The following ITSN2 variants were observed in gnomAD, a reference collection of about 807,000 sequenced individuals.
ITSN2 encodes intersectin 2.
Under a neutral mutation model 243.7 loss-of-function variants are expected in ITSN2, and 156 were observed. The ratio of observed to expected loss-of-function variants is 0.64; its 90% CI spans 0.56 to 0.73. The LOEUF (loss-of-function observed/expected upper bound fraction) is 0.73, where lower values mean the gene tolerates loss of function less well. ITSN2 is among the 30% of genes least tolerant of loss of function. ITSN2 has a pLI of 0.00. For missense variants in ITSN2, 1,801 were observed against 1,996.1 expected, an observed-to-expected ratio of 0.90 and a Z score of 1.86; for synonymous variants, 703 against 699.9, an observed-to-expected ratio of 1.00 and a Z score of -0.07.
chr2:24,305,674 G>A (rs371938037), intron 8 of ITSN2, among the ~76,000 whole-genome samples: 2 of 151,394 alleles, frequency 1.3e-5, no homozygotes, highest in African/African-American at 4.9e-5. Context: ...TCATGTTCTT[G>A]GGGCTCATGC....
At position 24,209,097 on chromosome 2, in the gene ITSN2, G is replaced by C. The variant is rs376993507; in HGVS notation, c.4595+3C>G. On this transcript the variant is annotated splice_donor_region_variant and intron_variant, in intron 36 of 39. Transcript: ENST00000355123. ...AGGCAGGCCACACATGGTCAGGACT[G>C]ACCTCTCATTAATGTTGTCTGTTCG... The C allele has an allele frequency of 6.8e-6, 11 of 1,613,840 alleles. No homozygotes were observed. The highest frequency in any genetic ancestry group is 6.7e-5 in the African/African-American group (5 of 74,926).
chr2:24,240,485 C>T (rs947033626), intron 29 of ITSN2: 18 of 152,138 alleles, frequency 1.2e-4, no homozygotes, highest in African/African-American at 4.3e-4. Flanking sequence ...ATACTTATCT[C>T]CCTACATCCT....
At chr2:24,352,761 A>G (rs1199667045) in intron 1 of ITSN2, among the ~76,000 whole-genome samples, 1 of 152,198 alleles carries the variant, frequency 6.6e-6, no homozygotes, top group African/African-American at 2.4e-5. Context: ...AATCAAACCA[A>G]TTTTTGAAGA....
At position 24,237,370 on chromosome 2, in the gene ITSN2, T is replaced by C. The variant is rs1443146964; in HGVS notation, c.3577+8759A>G. 7.2e-5 allele frequency among the ~76,000 whole-genome samples: 11 copies of C among 152,192 alleles called. No individual in the cohort carries two copies. In the South Asian group the frequency reaches 1.7e-3, roughly 23 times the overall value. ...AATAATCTCTTTCTCATATAACCTG[T>C]TTCCCATCTTTGTGAGTTCCTTTCA... On this transcript the variant is annotated intron_variant, in intron 29 of 39. Transcript: ENST00000355123.
At chr2:24,276,217 GT>G (rs1197154997) in intron 17 of ITSN2, among the ~76,000 whole-genome samples, 3 of 152,162 alleles carry the variant, frequency 2.0e-5, no homozygotes, top group Non-Finnish European at 4.4e-5. Context: ...GTTCAGTCAT[GT>G]TTTTGACATA....
intron 15 of ITSN2, among the ~76,000 whole-genome samples, chr2:24,288,497 T>C (rs1011225282): frequency 2.0e-5 from 3 of 152,144 alleles, no homozygotes; most frequent in Non-Finnish European, 4.4e-5. Context: ...TAACATAATG[T>C]GTATGTTAAT....
At chr2:24,349,798 G>C (rs1042301976) in intron 1 of ITSN2, among the ~76,000 whole-genome samples, 8 of 152,032 alleles carry the variant, frequency 5.3e-5, no homozygotes, top group African/African-American at 1.4e-4. Flanking sequence ...AAGAATTGTA[G>C]CAATGTAACA....
Position 24,303,918 on chromosome 2 carries a change from T to C in ITSN2, c.794-56A>G, listed in dbSNP as rs139306996. 898 of 1,150,818 alleles carry C rather than the reference T, an allele frequency of 7.8e-4. 8 individuals carry two copies. The Middle Eastern group carries it at 0.024, about 31-fold the overall frequency. The allele number at this position is 1,150,818 out of a possible 1,614,324, so 71.3% of individuals were successfully genotyped here. A position where few individuals can be genotyped will look rare whatever the true frequency, so the allele number is the denominator to read the frequency against. On this transcript the variant is annotated intron_variant, in intron 8 of 39. Coordinates refer to ENST00000355123, the MANE Select transcript of ITSN2 (RefSeq NM_006277.3). ...TCTTTAGCATCTTTAAAGTTATGCA[T>C]AACAAATTAGCTGTATCTGTAAAAT...
intron 10 of ITSN2, 41 bp from the exon 11 acceptor site, chr2:24,301,280 G>T: frequency 8.6e-7 from 1 of 1,168,078 alleles, no homozygotes; most frequent in Non-Finnish European, 1.3e-6. Flanking sequence ...ATGTAGTCTG[G>T]ACATTTTCAG....
At chr2:24,288,883 T>C (rs1375388630) in intron 15 of ITSN2, among the ~76,000 whole-genome samples, 1 of 152,178 alleles carries the variant, frequency 6.6e-6, no homozygotes, top group Non-Finnish European at 1.5e-5. Context: ...TGGATAAATA[T>C]ATACACTCCA....
chr2:24,204,061 A>ACAT lies in ITSN2; in HGVS notation c.4936+181_4936+183dup. On this transcript the variant is annotated intron_variant, in intron 39 of 39. Transcript: ENST00000355123. The surrounding 1 kb of genome is among the most constrained non-coding windows in gnomAD (Gnocchi z 5.1). ...GAGTGATGGGTCAAAGACCTGAAACACATCTCAGGCCACCTCCTCCCCTGA... is the reference window on the plus strand; with the variant it reads ...GAGTGATGGGTCAAAGACCTGAAACACATCATCTCAGGCCACCTCCTCCCCTGA... 1 of 649,556 alleles carries ACAT rather than the reference A, an allele frequency of 1.5e-6. No homozygotes were observed. Among genetic ancestry groups the ACAT allele is most frequent in the East Asian group, 2.7e-5 (1 of 36,630 alleles). 40.2% of individuals were successfully genotyped at this position (649,556 alleles called of 1,614,324 possible). A position where few individuals can be genotyped will look rare whatever the true frequency, so the allele number is the denominator to read the frequency against.
At chr2:24,205,416 C>A (rs1207664536) in intron 37 of ITSN2, 119 bp from the exon 38 acceptor site, 2 of 798,882 alleles carry the variant, frequency 2.5e-6, no homozygotes, top group Admixed American at 2.1e-5. Context: ...CTGGGCCCAA[C>A]AGCCCAGCAT....
At chr2:24,329,188 T>A (rs1196901354) in intron 1 of ITSN2, among the ~76,000 whole-genome samples, 13 of 152,254 alleles carry the variant, frequency 8.5e-5, no homozygotes. Flanking sequence ...TTTTGAACCC[T>A]GAATTCATTA....
chr2:24,297,981 C>A (rs1681196547), intron 13 of ITSN2, among the ~76,000 whole-genome samples: 1 of 151,532 alleles, frequency 6.6e-6, no homozygotes. Flanking sequence ...AACACAATTA[C>A]ATTTTTCTTT....
At chr2:24,278,078 T>C (rs1678248438) in intron 17 of ITSN2, among the ~76,000 whole-genome samples, 1 of 152,198 alleles carries the variant, frequency 6.6e-6, no homozygotes. Context: ...TTATTATTAT[T>C]GGATGAAGTC....
At chr2:24,229,361 G>A (rs1279503041) in intron 29 of ITSN2, among the ~76,000 whole-genome samples, 2 of 152,104 alleles carry the variant, frequency 1.3e-5, no homozygotes, top group African/African-American at 4.8e-5. Context: ...GGTCGAGGTG[G>A]GCAGATCACT....
At chr2:24,304,237 G>A (rs1413896170) in intron 8 of ITSN2, among the ~76,000 whole-genome samples, 1 of 152,212 alleles carries the variant, frequency 6.6e-6, no homozygotes, top group African/African-American at 2.4e-5. Context: ...ACTGAGCCGT[G>A]AGTAGCAGAA....
intron 2 of ITSN2, among the ~76,000 whole-genome samples, chr2:24,326,464 T>A (rs566022607): frequency 6.6e-6 from 1 of 152,244 alleles, no homozygotes; most frequent in Non-Finnish European, 1.5e-5. Flanking sequence ...ACAATTCAAC[T>A]GTTTAATGCA....
intron 8 of ITSN2, among the ~76,000 whole-genome samples, chr2:24,304,780 G>C (rs1009971277): frequency 1.3e-5 from 2 of 152,186 alleles, no homozygotes; most frequent in African/African-American, 4.8e-5. Context: ...GAAGGAGGAG[G>C]AATGTAAATG....
Sources: gnomAD v4.1 joint callset for allele counts (sites outside exome capture counted in the v4.1 genomes callset) on GRCh38, gnomAD v4.1.1 for gene constraint, Gnocchi (gnomAD v3.1) non-coding constraint, MANE v1.5 for transcripts, NCBI Gene and HGNC (gene_info 2026-07-23, HGNC 2026-07-21) for gene names.